MYOF: variants seen among roughly 807,000 people sequenced by gnomAD.
MYOF encodes the protein myoferlin.
MYOF carries 244 observed loss-of-function variants against 284.2 expected under a neutral mutation model. That is an observed-to-expected ratio of 0.86 (90% CI 0.77 to 0.95). The LOEUF (loss-of-function observed/expected upper bound fraction) is 0.95, where lower values mean the gene tolerates loss of function less well. Ranked by LOEUF, MYOF falls within the 40% of genes least tolerant of loss-of-function variation. MYOF has a pLI of 0.00. For missense variants in MYOF, 2,496 were observed against 2,560.6 expected, an observed-to-expected ratio of 0.97 and a Z score of 0.54; for synonymous variants, 904 against 919.7, an observed-to-expected ratio of 0.98 and a Z score of 0.31.
Position 93,403,909 on chromosome 10 carries a change from T to A in MYOF, c.843+114A>T, listed in dbSNP as rs148580567. ...CAGCCTTCAGCAAGTGTCATCATGCTGAACCCTTACACATTCCCAAGATGC... is the reference window on the plus strand; with the variant it reads ...CAGCCTTCAGCAAGTGTCATCATGCAGAACCCTTACACATTCCCAAGATGC... On this transcript the variant is annotated intron_variant, in intron 9 of 53. Coordinates refer to ENST00000359263, the MANE Select transcript of MYOF (RefSeq NM_013451.4). The A allele has an allele frequency of 4.5e-5, 51 of 1,133,442 alleles. No individual in the cohort carries two copies. The East Asian group carries it at 1.2e-3, about 26-fold the overall frequency. 70.2% of individuals were successfully genotyped at this position (1,133,442 alleles called of 1,614,324 possible). A position where few individuals can be genotyped will look rare whatever the true frequency, so the allele number is the denominator to read the frequency against.
Position 93,313,111 on chromosome 10 carries a change from A to T in MYOF, c.5798T>A (p.Leu1933His). 1 of 1,614,122 alleles carries T rather than the reference A, an allele frequency of 6.2e-7. No individual in the cohort carries two copies. Among genetic ancestry groups the T allele is most frequent in the Non-Finnish European group, 8.5e-7 (1 of 1,179,988 alleles). ...AAAGAGGGAGGCTGTCTTGGCTTTA[A>T]GGGGGTTCATGGCTTTGAGGTCCGG... Reference protein sequence around the residue: ...MIPDLKAMNPLKAKTASLFEQ... With the variant: ...MIPDLKAMNPHKAKTASLFEQ... Residue 1933 changes from leucine to histidine, a missense_variant, in exon 51 of 54, where the codon CTT becomes CAT. Leu to His is a moderately conservative substitution (Grantham distance 99, BLOSUM62 -3). This residue lies in a region of MYOF where 2,436 missense variants were observed against 2,480.7 expected (regional missense o/e 0.98). Coordinates refer to ENST00000359263, the MANE Select transcript of MYOF (RefSeq NM_013451.4).
intron 38 of MYOF, chr10:93,341,867 G>A (rs1303596468): frequency 2.4e-6 from 3 of 1,245,410 alleles, no homozygotes; most frequent in South Asian, 2.5e-5. Flanking sequence ...TTAGGCCAAG[G>A]TCCCACAGTC....
chr10:93,377,048 C>T (rs1248859957), intron 22 of MYOF, among the ~76,000 whole-genome samples: 3 of 152,246 alleles, frequency 2.0e-5, no homozygotes, highest in Non-Finnish European at 4.4e-5. Context: ...TTTCTCCGCT[C>T]CCCATCCCTT....
chr10:93,416,311 G>A (rs1359334537), intron 5 of MYOF, among the ~76,000 whole-genome samples: 1 of 152,082 alleles, frequency 6.6e-6, no homozygotes, highest in Non-Finnish European at 1.5e-5. Flanking sequence ...GAGGTCAGGA[G>A]TTCAAGACCA....
At chr10:93,418,263 A>G (rs1357491063) in intron 5 of MYOF, among the ~76,000 whole-genome samples, 1 of 152,246 alleles carries the variant, frequency 6.6e-6, no homozygotes, top group East Asian at 1.9e-4. Context: ...ACAATGCAGA[A>G]CAGGAAAGGG....
Position 93,328,915 on chromosome 10 carries a change from T to C in MYOF, c.4983-4A>G, listed in dbSNP as rs757028546. ...TCGCCAGGTATTGACTCCAGAACTG[T>C]GAATAGCATCACGTGGCTCGGAGTT... On this transcript the variant is annotated splice_region_variant and splice_polypyrimidine_tract_variant and intron_variant, in intron 44 of 53. Coordinates refer to ENST00000359263, the MANE Select transcript of MYOF (RefSeq NM_013451.4). The C allele has an allele frequency of 1.9e-5, 31 of 1,593,734 alleles. No homozygotes were observed. The highest frequency in any genetic ancestry group is 2.6e-5 in the Non-Finnish European group (30 of 1,164,496).
intron 3 of MYOF, among the ~76,000 whole-genome samples, chr10:93,437,415 CA>C (rs111386428): frequency 3.3e-5 from 5 of 152,278 alleles, no homozygotes; most frequent in African/African-American, 1.2e-4. Flanking sequence ...GACTCTTACT[CA>C]GGGGAGCTCA....
intron 45 of MYOF, among the ~76,000 whole-genome samples, chr10:93,328,194 A>G (rs1263286003): frequency 6.6e-6 from 1 of 151,998 alleles, no homozygotes; most frequent in East Asian, 1.9e-4. Flanking sequence ...CCTCTGGGTA[A>G]CCCTCCCCCG....
intron 31 of MYOF, 46 bp downstream of exon 31, chr10:93,355,582 A>AAAAAAT (rs1554844227): frequency 2.4e-4 from 336 of 1,383,322 alleles, no homozygotes; most frequent in Non-Finnish European, 3.2e-4. Context: ...TCAGTCTTGA[A>AAAAAAT]AAAATAAAAT....
At chr10:93,368,126 T>C (rs1456825963) in intron 25 of MYOF, among the ~76,000 whole-genome samples, 2 of 152,114 alleles carry the variant, frequency 1.3e-5, no homozygotes, top group African/African-American at 4.8e-5. Flanking sequence ...CAAGAAATCC[T>C]ACAGGAAGGC....
intron 1 of MYOF, among the ~76,000 whole-genome samples, chr10:93,465,820 A>T (rs966951280): frequency 2.0e-5 from 3 of 151,946 alleles, no homozygotes; most frequent in Admixed American, 6.6e-5. Flanking sequence ...CAGCTAGATG[A>T]TTTCTTATTA....
rs531617134 is a variant in MYOF, at chr10:93,414,815, C to T, written c.434-5076G>A. On this transcript the variant is annotated intron_variant, in intron 5 of 53. Coordinates refer to ENST00000359263, the MANE Select transcript of MYOF (RefSeq NM_013451.4). ...CTGGAGTGTAGTGGTACAATTTCAG[C>T]TCACTGCAGCCTCTGCTTCCCAGGT... Among the ~76,000 whole-genome samples, 11 of 152,150 alleles carry T rather than the reference C, an allele frequency of 7.2e-5. No homozygotes were observed. The East Asian group carries it at 2.0e-3, about 27-fold the overall frequency.
At chr10:93,325,601 G>C (rs971192018) in intron 46 of MYOF, among the ~76,000 whole-genome samples, 1 of 152,128 alleles carries the variant, frequency 6.6e-6, no homozygotes, top group Admixed American at 6.6e-5. Context: ...AGAGACCCTG[G>C]TTCTGGTTTG....
Position 93,456,872 on chromosome 10 carries a change from A to C in MYOF, c.144+10T>G. ...CTATTAAAACAAAGTTGAAAAAACA[A>C]TGAAGTCACCTCATTCCAGACAGGG... On this transcript the variant is annotated intron_variant, in intron 2 of 53. Transcript: ENST00000359263. 6.3e-7 allele frequency: 1 copy of C among 1,596,404 alleles called. No individual in the cohort carries two copies.
At chr10:93,468,851 G>T (rs563298680) in intron 1 of MYOF, among the ~76,000 whole-genome samples, 106 of 152,304 alleles carry the variant, frequency 7.0e-4, no homozygotes, top group African/African-American at 2.2e-3. Context: ...TTTGTCAGTG[G>T]GGCCTGGGAC....
intron 17 of MYOF, 77 bp from the exon 18 acceptor site, chr10:93,389,231 G>T: frequency 6.9e-7 from 1 of 1,458,990 alleles, no homozygotes; most frequent in Non-Finnish European, 9.1e-7. Flanking sequence ...TTATTAGTTA[G>T]TTAGGTGAGA....
chr10:93,441,890 C>G (rs2056272285), intron 3 of MYOF, among the ~76,000 whole-genome samples: 1 of 151,806 alleles, frequency 6.6e-6, no homozygotes, highest in Non-Finnish European at 1.5e-5. Context: ...ACAACGTAAG[C>G]TAGGTCTTTT....
chr10:93,315,890 G>A (rs1174732320), intron 50 of MYOF, among the ~76,000 whole-genome samples: 2 of 151,934 alleles, frequency 1.3e-5, no homozygotes, highest in Non-Finnish European at 2.9e-5. Context: ...AGAGGCTGAG[G>A]TGCAAGGATT....
chr10:93,405,120 C>CT (rs1554855315), intron 7 of MYOF, among the ~76,000 whole-genome samples: 1 of 152,090 alleles, frequency 6.6e-6, no homozygotes, highest in African/African-American at 2.4e-5. Flanking sequence ...TTTGCTTTAT[C>CT]TCTTTTTTAA....
Sources: allele counts gnomAD v4.1 joint callset (sites outside exome capture counted in the v4.1 genomes callset), GRCh38; gene constraint gnomAD v4.1.1; regional missense constraint gnomAD v4.1.1; transcripts MANE v1.5; gene names NCBI Gene and HGNC (gene_info 2026-07-23, HGNC 2026-07-21).